Variants in EIF2B3 observed in about 807,000 individuals in gnomAD.
The protein encoded by EIF2B3 is eukaryotic translation initiation factor 2B subunit gamma.
In EIF2B3, 20 loss-of-function variants were observed where a neutral mutation model predicts 54.1. The observed-to-expected ratio is 0.37, with a 90% confidence interval of 0.26 to 0.54. EIF2B3 has a LOEUF of 0.54. Among genes scored for constraint, EIF2B3 ranks in the 20% least tolerant of loss-of-function variants. The pLI is 0.86. For missense variants in EIF2B3, 448 were observed against 547.8 expected (o/e 0.82, Z 1.82); for synonymous variants, 153 against 188.1 (o/e 0.81, Z 1.52).
intron 5 of EIF2B3, among the ~76,000 whole-genome samples, chr1:44,902,925 C>G (rs1348615602): frequency 1.3e-5 from 2 of 149,578 alleles, no homozygotes; most frequent in Non-Finnish European, 3.0e-5. Flanking sequence ...GTTCAAGAAC[C>G]AAGCTGTACC....
rs57964686 is a variant in EIF2B3 at position 44,978,621 on chromosome 1, C to CTTTTTTTTTT, written c.149-171_149-162dup. Among the ~76,000 whole-genome samples the CTTTTTTTTTT allele has an allele frequency of 3.9e-4, 30 of 76,636 alleles. 8 individuals are homozygous for CTTTTTTTTTT. Among genetic ancestry groups the CTTTTTTTTTT allele is most frequent in the African/African-American group, 1.8e-3 (27 of 15,316 alleles). 50.3% of individuals were successfully genotyped at this position (76,636 alleles called of 152,430 possible). On this transcript the variant is annotated intron_variant, in intron 2 of 11. Coordinates refer to ENST00000360403, the MANE Select transcript of EIF2B3 (RefSeq NM_020365.5). ...TTTACCTGCATTCCCCCAATAAATT[C>CTTTTTTTTTT]TTTTTTTTTTTTTTTTTTTTTTTTT...
intron 3 of EIF2B3, among the ~76,000 whole-genome samples, chr1:44,953,775 G>A (rs1433478025): frequency 6.6e-6 from 1 of 152,044 alleles, no homozygotes; most frequent in African/African-American, 2.4e-5. Context: ...CTTGGGCACT[G>A]GAGTGACATT....
At chr1:44,983,503 A>T (rs1348507266) in intron 1 of EIF2B3, among the ~76,000 whole-genome samples, 1 of 152,162 alleles carries the variant, frequency 6.6e-6, no homozygotes, top group Non-Finnish European at 1.5e-5. Context: ...TCAAAGTGTA[A>T]TTTAATTTCA....
chr1:44,887,641 T>C (rs1655638219), intron 6 of EIF2B3, among the ~76,000 whole-genome samples: 1 of 152,202 alleles, frequency 6.6e-6, no homozygotes, highest in Non-Finnish European at 1.5e-5. Context: ...ATATTTTTAT[T>C]TAAAGACTTT....
intron 5 of EIF2B3, among the ~76,000 whole-genome samples, chr1:44,923,789 T>C (rs1643797763): frequency 1.3e-5 from 2 of 151,674 alleles, no homozygotes; most frequent in African/African-American, 4.9e-5. Context: ...CCCTCCCTCC[T>C]TCTCTTTCTC....
chr1:44,901,706 C>T (rs183728769), intron 5 of EIF2B3, among the ~76,000 whole-genome samples: 67 of 151,888 alleles, frequency 4.4e-4, no homozygotes, highest in Admixed American at 2.6e-3. Flanking sequence ...ACTATAGGCA[C>T]GTGACACCAC....
At chr1:44,944,820 C>T (rs1319641153) in intron 3 of EIF2B3, among the ~76,000 whole-genome samples, 2 of 151,964 alleles carry the variant, frequency 1.3e-5, no homozygotes, top group South Asian at 2.1e-4. Context: ...CAGAGTGAGG[C>T]CTTGTCTCAA....
intron 3 of EIF2B3, among the ~76,000 whole-genome samples, chr1:44,966,964 C>G (rs114769629): frequency 6.6e-6 from 1 of 151,782 alleles, no homozygotes; most frequent in Admixed American, 6.6e-5. Flanking sequence ...TACGAGCACA[C>G]GCCACTATGG....
intron 10 of EIF2B3, among the ~76,000 whole-genome samples, chr1:44,861,680 T>A (rs1350206235): frequency 1.3e-5 from 2 of 152,170 alleles, no homozygotes; most frequent in South Asian, 2.1e-4. Context: ...ATCCAGTTGA[T>A]GTGTAGCTCT....
At position 44,881,546 on chromosome 1, in the gene EIF2B3, C is replaced by T; in HGVS notation, c.784+66G>A. Reference sequence around the variant, plus strand: ...AGGCATCTTGGGCTGGGCTAAGCTGCCCAACCACTCTTTCCAAAGGTGCTG... The same window carrying T: ...AGGCATCTTGGGCTGGGCTAAGCTGTCCAACCACTCTTTCCAAAGGTGCTG... On this transcript the variant is annotated intron_variant, in intron 7 of 11. Transcript: ENST00000360403. The surrounding 1 kb of genome is among the most constrained non-coding windows in gnomAD (Gnocchi z 4.0). 6.2e-7 allele frequency: 1 copy of T among 1,602,940 alleles called. No individual in the cohort carries two copies. Among genetic ancestry groups the T allele is most frequent in the Non-Finnish European group, 8.5e-7 (1 of 1,173,102 alleles).
At chr1:44,982,411 G>T (rs1164579529) in intron 1 of EIF2B3, among the ~76,000 whole-genome samples, 1 of 152,138 alleles carries the variant, frequency 6.6e-6, no homozygotes, top group East Asian at 1.9e-4. Flanking sequence ...CGATTCTCCT[G>T]CCTCAGCCTC....
At chr1:44,943,504 C>T (rs1442743439) in intron 3 of EIF2B3, among the ~76,000 whole-genome samples, 3 of 151,734 alleles carry the variant, frequency 2.0e-5, no homozygotes, top group East Asian at 1.9e-4. Context: ...ACTGCAGCCT[C>T]GACTTCCTGG....
intron 6 of EIF2B3, among the ~76,000 whole-genome samples, chr1:44,884,960 G>A (rs1474134436): frequency 6.6e-6 from 1 of 152,176 alleles, no homozygotes; most frequent in East Asian, 1.9e-4. Flanking sequence ...TGATGCAGTT[G>A]ACTTAGAAAC....
chr1:44,868,502 T>A (rs1198794401), intron 10 of EIF2B3, among the ~76,000 whole-genome samples: 3 of 151,760 alleles, frequency 2.0e-5, no homozygotes, highest in African/African-American at 7.3e-5. Flanking sequence ...CTGGATTTTT[T>A]TTTTTTTTTT....
chr1:44,875,514 C>A (rs72674089), intron 9 of EIF2B3, 104 bp downstream of exon 9: 3 of 1,035,336 alleles, frequency 2.9e-6, no homozygotes, highest in Middle Eastern at 2.2e-4. Flanking sequence ...TTCCCTGGGG[C>A]TGATGAGGTT....
At chr1:44,905,922 A>T (rs1393035751) in intron 5 of EIF2B3, among the ~76,000 whole-genome samples, 1 of 152,130 alleles carries the variant, frequency 6.6e-6, no homozygotes, top group Non-Finnish European at 1.5e-5. Context: ...ACTGCTGTTC[A>T]CCCTCACCCA....
intron 5 of EIF2B3, among the ~76,000 whole-genome samples, chr1:44,897,892 A>G (rs567930952): frequency 1.3e-5 from 2 of 151,980 alleles, no homozygotes; most frequent in East Asian, 1.9e-4. Flanking sequence ...GTACACCACC[A>G]TGCCCAGCTA....
At chr1:44,922,904 G>A (rs1233189942) in intron 5 of EIF2B3, among the ~76,000 whole-genome samples, 5 of 132,428 alleles carry the variant, frequency 3.8e-5, no homozygotes, top group Admixed American at 2.6e-4. Context: ...GGAGTGCAGC[G>A]GCACCATCTC....
intron 1 of EIF2B3, among the ~76,000 whole-genome samples, chr1:44,983,251 C>T (rs61027524): frequency 0.064 from 9,752 of 152,224 alleles, 1,074 homozygotes; most frequent in African/African-American, 0.22. Flanking sequence ...CTTTCTCTTA[C>T]AATGATGTAA....
Sources: allele counts gnomAD v4.1 joint callset (sites outside exome capture counted in the v4.1 genomes callset), GRCh38; gene constraint gnomAD v4.1.1; non-coding constraint Gnocchi (gnomAD v3.1); transcripts MANE v1.5; gene names NCBI Gene and HGNC (gene_info 2026-07-23, HGNC 2026-07-21).